Variants in ZZZ3 observed in about 807,000 individuals in gnomAD.
ZZZ3 encodes the protein zinc finger ZZ-type containing 3, also known as ZZ-type zinc finger-containing protein 3.
Under a neutral mutation model 95.2 loss-of-function variants are expected in ZZZ3, and 22 were observed. That is an observed-to-expected ratio of 0.23 (90% CI 0.17 to 0.33). The LOEUF (loss-of-function observed/expected upper bound fraction) is 0.33, where lower values mean the gene tolerates loss of function less well. ZZZ3 is among the 10% of genes least tolerant of loss of function. The pLI, the probability that ZZZ3 is intolerant of heterozygous loss-of-function variation, is 1.00. For missense variants in ZZZ3, 885 were observed against 1,066.5 expected (o/e 0.83, Z 2.37); for synonymous variants, 335 against 358.9 (o/e 0.93, Z 0.75).
intron 1 of ZZZ3, among the ~76,000 whole-genome samples, chr1:77,664,494 A>AT (rs1253533463): frequency 6.6e-6 from 1 of 152,196 alleles, no homozygotes; most frequent in Admixed American, 6.5e-5. Flanking sequence ...AGAGCAATAC[A>AT]TTTTTTATTC....
intron 5 of ZZZ3, among the ~76,000 whole-genome samples, chr1:77,624,169 A>C (rs112433858): frequency 1.3e-5 from 2 of 152,108 alleles, no homozygotes; most frequent in African/African-American, 2.4e-5. Context: ...TGCTAGAAAA[A>C]TCTTTGTTCC....
chr1:77,661,370 G>A (rs1171105355), intron 1 of ZZZ3, among the ~76,000 whole-genome samples: 2 of 152,082 alleles, frequency 1.3e-5, no homozygotes, highest in Admixed American at 6.6e-5. Context: ...CCAAGATCAC[G>A]CCATTACACT....
intron 1 of ZZZ3, among the ~76,000 whole-genome samples, chr1:77,674,953 A>G (rs79054640): frequency 1.4e-5 from 2 of 147,290 alleles, no homozygotes; most frequent in Admixed American, 1.4e-4. Flanking sequence ...CTCGGTCTCA[A>G]AAAAAAAAAA....
chr1:77,623,111 C>T (rs982670048), intron 5 of ZZZ3, among the ~76,000 whole-genome samples: 1 of 152,098 alleles, frequency 6.6e-6, no homozygotes, highest in Non-Finnish European at 1.5e-5. Context: ...CAACAGACAG[C>T]ATGTAACTGT....
intron 1 of ZZZ3, among the ~76,000 whole-genome samples, chr1:77,672,580 A>C (rs1671882298): frequency 6.6e-6 from 1 of 152,212 alleles, no homozygotes; most frequent in Non-Finnish European, 1.5e-5. Context: ...TGAAACTCTA[A>C]GGGCAGAGCC....
chr1:77,683,109 AGC>A (rs1672960395), upstream of ZZZ3, among the ~76,000 whole-genome samples: 1 of 126,634 alleles, frequency 7.9e-6, no homozygotes, highest in African/African-American at 3.0e-5. Flanking sequence ...CAGCCGTCGC[AGC>A]CGTCGCAGTC....
chr1:77,670,076 C>A (rs908742321), intron 1 of ZZZ3, among the ~76,000 whole-genome samples: 1 of 143,098 alleles, frequency 7.0e-6, no homozygotes, highest in Admixed American at 7.0e-5. Context: ...ATTGTGACCC[C>A]CCCCCCCCAT....
Position 77,655,274 on chromosome 1 carries a change from C to T in ZZZ3, c.-402-13619G>A, listed in dbSNP as rs547384286. ...TGCCACACTGGGGATTAAGTTTCAA[C>T]ATGAGTTTTGGATGGGACATTCAAA... On this transcript the variant is annotated intron_variant, in intron 1 of 14. Coordinates refer to ENST00000370801, the MANE Select transcript of ZZZ3 (RefSeq NM_015534.6). Among the ~76,000 whole-genome samples, 72 of 152,302 alleles carry T rather than the reference C, an allele frequency of 4.7e-4. No individual in the cohort carries two copies. The South Asian group carries it at 0.014, about 30-fold the overall frequency.
At chr1:77,594,242 T>C (rs1663998332) in intron 5 of ZZZ3, among the ~76,000 whole-genome samples, 1 of 152,142 alleles carries the variant, frequency 6.6e-6, no homozygotes, top group South Asian at 2.1e-4. Context: ...TAATAACTTT[T>C]CTCTCACAAA....
intron 1 of ZZZ3, among the ~76,000 whole-genome samples, chr1:77,672,652 G>A (rs1671890184): frequency 6.6e-6 from 1 of 152,184 alleles, no homozygotes; most frequent in African/African-American, 2.4e-5. Flanking sequence ...TAAATACTGA[G>A]AACCACTGCC....
chr1:77,579,154 G>A (rs1662254387), intron 10 of ZZZ3, among the ~76,000 whole-genome samples: 1 of 152,090 alleles, frequency 6.6e-6, no homozygotes, highest in Non-Finnish European at 1.5e-5. Flanking sequence ...TAATATAGAT[G>A]GGAATATGAA....
intron 4 of ZZZ3, among the ~76,000 whole-genome samples, chr1:77,636,530 T>C (rs866024188): frequency 1.7e-4 from 26 of 151,964 alleles, no homozygotes; most frequent in African/African-American, 5.8e-4. Context: ...CTGGGCAACA[T>C]GGCGAAACCC....
At chr1:77,592,595 C>T (rs1663821890) in intron 5 of ZZZ3, among the ~76,000 whole-genome samples, 1 of 152,070 alleles carries the variant, frequency 6.6e-6, no homozygotes, top group Non-Finnish European at 1.5e-5. Flanking sequence ...AACAACCGTG[C>T]CCAGCCTGCT....
intron 5 of ZZZ3, among the ~76,000 whole-genome samples, chr1:77,629,293 TG>T (rs1186452571): frequency 6.6e-6 from 1 of 152,036 alleles, no homozygotes; most frequent in Non-Finnish European, 1.5e-5. Context: ...TTGCTTCCTT[TG>T]AAAAAAAAGA....
intron 1 of ZZZ3, among the ~76,000 whole-genome samples, chr1:77,663,948 T>C (rs1570647250): frequency 1.3e-5 from 2 of 151,856 alleles, no homozygotes; most frequent in African/African-American, 4.8e-5. Flanking sequence ...CGGGGTTTCA[T>C]CATATTGGTC....
At chr1:77,606,294 A>T (rs955206192) in intron 5 of ZZZ3, among the ~76,000 whole-genome samples, 1 of 152,172 alleles carries the variant, frequency 6.6e-6, no homozygotes, top group Non-Finnish European at 1.5e-5. Flanking sequence ...ACCATGTCTC[A>T]TGGTTTGAGT....
intron 5 of ZZZ3, among the ~76,000 whole-genome samples, chr1:77,612,360 A>T (rs930422284): frequency 1.3e-5 from 2 of 152,020 alleles, no homozygotes; most frequent in Admixed American, 1.3e-4. Context: ...GATTGATACA[A>T]CCATTATACC....
At position 77,578,647 on chromosome 1, in the gene ZZZ3, G is replaced by A. The variant is rs574545182; in HGVS notation, c.2178+127C>T. 2.4e-5 allele frequency: 12 copies of A among 494,176 alleles called. No individual in the cohort carries two copies. The East Asian group carries it at 4.0e-4, about 17-fold the overall frequency. 30.6% of individuals were successfully genotyped at this position (494,176 alleles called of 1,614,324 possible). A position where few individuals can be genotyped will look rare whatever the true frequency, so the allele number is the denominator to read the frequency against. The stretch of plus-strand genomic sequence containing the variant: ...TACCCTCCACTTTTGCACAATATAA[G>A]GAAATGCTTAGAATGAACAGAAGTT... On this transcript the variant is annotated intron_variant, in intron 11 of 14. Transcript: ENST00000370801.
chr1:77,568,999 T>C (rs1661108177), intron 12 of ZZZ3, among the ~76,000 whole-genome samples: 1 of 152,170 alleles, frequency 6.6e-6, no homozygotes, highest in Non-Finnish European at 1.5e-5. Flanking sequence ...AAGACGACTA[T>C]TTAGAATGGA....
Sources: allele counts gnomAD v4.1 joint callset (sites outside exome capture counted in the v4.1 genomes callset), GRCh38; gene constraint gnomAD v4.1.1; transcripts MANE v1.5; gene names NCBI Gene and HGNC (gene_info 2026-07-23, HGNC 2026-07-21).